Variants in DENND4C observed in about 807,000 individuals in gnomAD.
DENND4C encodes DENN domain containing 4C, also known as DENN domain-containing protein 4C.
A neutral mutation model predicts 203.0 loss-of-function variants in DENND4C; 108 were observed. That is an observed-to-expected ratio of 0.53 (90% CI 0.46 to 0.62). The LOEUF is 0.62. DENND4C is among the 20% of genes least tolerant of loss of function. DENND4C has a pLI of 0.00. For synonymous variants in DENND4C, 871 were observed against 792.4 expected (o/e 1.10, Z -1.67); for missense variants, 2,481 against 2,301.2 (o/e 1.08, Z -1.60).
intron 9 of DENND4C, among the ~76,000 whole-genome samples, chr9:19,300,628 G>A (rs928807649): frequency 5.3e-5 from 8 of 152,130 alleles, no homozygotes; most frequent in African/African-American, 1.7e-4. Flanking sequence ...TGAGAATGAA[G>A]CTGGTTGTAT....
intron 30 of DENND4C, among the ~76,000 whole-genome samples, chr9:19,366,292 T>C (rs751340362): frequency 6.6e-6 from 1 of 152,158 alleles, no homozygotes; most frequent in Non-Finnish European, 1.5e-5. Flanking sequence ...TGCCTTTCAG[T>C]GTGAAGACCA....
At chr9:19,312,451 G>A (rs1840930933) in intron 10 of DENND4C, among the ~76,000 whole-genome samples, 1 of 152,316 alleles carries the variant, frequency 6.6e-6, no homozygotes, top group Middle Eastern at 3.4e-3. Flanking sequence ...GTATTGCAGT[G>A]TGCTGCTACT....
rs1276441692 is a variant in DENND4C, at chr9:19,316,700, A to G, written c.1668A>G (p.Thr556=). 3.3e-5 allele frequency: 53 copies of G among 1,614,012 alleles called. No individual in the cohort carries two copies. The highest frequency in any genetic ancestry group is 1.6e-4 in the Middle Eastern group (1 of 6,082). ...ATTTCTCCTGGCAAAAGAAGATGAC[A>G]CAGCTTGAGATGGAAATTCAAGAGG... is the stretch of plus-strand genomic sequence containing the variant. ...EADFSWQKKM[T]QLEMEIQEAF... The change falls in exon 12 of 33, where the codon ACA becomes ACG. Residue 556 remains threonine (T), a synonymous_variant. Transcript: ENST00000434457.
intron 30 of DENND4C, among the ~76,000 whole-genome samples, chr9:19,366,128 A>C (rs1032934648): frequency 3.9e-5 from 6 of 152,250 alleles, no homozygotes; most frequent in African/African-American, 7.2e-5. Flanking sequence ...CTTGAAAAAG[A>C]ACAGTGTTAT....
At chr9:19,239,874 A>T (rs778143358) in intron 1 of DENND4C, among the ~76,000 whole-genome samples, 1 of 152,150 alleles carries the variant, frequency 6.6e-6, no homozygotes, top group African/African-American at 2.4e-5. Flanking sequence ...GCTTGAAAAG[A>T]TGGTTTATCT....
In DENND4C at chr9:19,357,041, C is replaced by G. The variant is rs780329713; in HGVS notation, c.4851C>G (p.Ser1617=). The change falls in exon 27 of 33, where the codon TCC becomes TCG. Residue 1617 remains serine (S), a synonymous_variant. Coordinates refer to ENST00000434457, the MANE Select transcript of DENND4C (RefSeq NM_001330640.2). ...GAAGCATTCCATTGGCAAATGAATC[C>G]TTGGAGCACAAACCTGTATCCAGTT... ...QSGSIPLANE[S]LEHKPVSSLA... 17 of 1,613,810 alleles carry G rather than the reference C, an allele frequency of 1.1e-5. No individual in the cohort carries two copies. In the African/African-American group the frequency reaches 2.3e-4, roughly 22 times the overall value.
At chr9:19,294,901 TG>T (rs1837109873) in intron 5 of DENND4C, among the ~76,000 whole-genome samples, 2 of 152,152 alleles carry the variant, frequency 1.3e-5, no homozygotes. Flanking sequence ...GGCAAGAGAA[TG>T]GGAAGTTACC....
rs1824396596 is a variant in DENND4C at position 19,352,542 on chromosome 9, AT to A, written c.4659del (p.Asp1553GlufsTer15). ...AGAGCTTGTGGAGCTTTAGTTTATGATGAAGAAATTATGGCTGGATGGACAG... is the reference window on the plus strand; with the variant it reads ...AGAGCTTGTGGAGCTTTAGTTTATGAGAAGAAATTATGGCTGGATGGACAG... The part of the protein sequence containing the change: ...QCRACGALVY[D>X]EEIMAGWTAD... On this transcript the variant is annotated frameshift_variant, in exon 26 of 33. Coordinates refer to ENST00000434457, the MANE Select transcript of DENND4C (RefSeq NM_001330640.2). LOFTEE classifies it high-confidence loss of function. 2 of 1,613,802 alleles carry A rather than the reference AT, an allele frequency of 1.2e-6. No individual in the cohort carries two copies. The highest frequency in any genetic ancestry group is 2.7e-5 in the African/African-American group (2 of 75,046).
At chr9:19,261,009 T>G (rs76420747) in intron 1 of DENND4C, among the ~76,000 whole-genome samples, 4,498 of 152,222 alleles carry the variant, frequency 0.03, 217 homozygotes, top group African/African-American at 0.1. Flanking sequence ...GTTTTAGACT[T>G]AAGTATTTGT....
At chr9:19,253,823 A>T (rs1827251145) in intron 1 of DENND4C, among the ~76,000 whole-genome samples, 1 of 152,072 alleles carries the variant, frequency 6.6e-6, no homozygotes, top group Non-Finnish European at 1.5e-5. Context: ...TATTAATGGC[A>T]TTTATTAGAA....
In DENND4C at chr9:19,276,497, C is replaced by T; in HGVS notation, c.305+18C>T. ...GATATTGGGTATGGTGACTTCTTTT[C>T]TTTGCTATAGTGAAGGAGTAAAATT... On this transcript the variant is annotated intron_variant, in intron 2 of 32. Coordinates refer to ENST00000434457, the MANE Select transcript of DENND4C (RefSeq NM_001330640.2). The T allele has an allele frequency of 8.1e-7, 1 of 1,228,742 alleles. No individual in the cohort carries two copies. Among genetic ancestry groups the T allele is most frequent in the Non-Finnish European group, 1.0e-6 (1 of 984,976 alleles). The allele number at this position is 1,228,742 out of a possible 1,614,324, so 76.1% of individuals were successfully genotyped here.
Position 19,325,936 on chromosome 9 carries a change from T to C in DENND4C, c.1954-3T>C, listed in dbSNP as rs761201369. 2 of 1,602,628 alleles carry C rather than the reference T, an allele frequency of 1.2e-6. No individual in the cohort carries two copies. The highest frequency in any genetic ancestry group is 1.7e-6 in the Non-Finnish European group (2 of 1,175,138). On this transcript the variant is annotated splice_polypyrimidine_tract_variant and splice_region_variant and intron_variant, in intron 13 of 32. Transcript: ENST00000434457. ...ATTAAGAATCTGTTTTCTTTTTTTC[T>C]AGTTGTTTCCTGATAAAGGCACAGA...
chr9:19,367,367 A>G lies in DENND4C; in HGVS notation c.5525-2470A>G, dbSNP rs375712539. ...TATACCTAAGAGAAATGATGTCCACATGAAAACTTGCACATGAATGTTCAT... is the reference window on the plus strand; with the variant it reads ...TATACCTAAGAGAAATGATGTCCACGTGAAAACTTGCACATGAATGTTCAT... On this transcript the variant is annotated intron_variant, in intron 30 of 32. Coordinates refer to ENST00000434457, the MANE Select transcript of DENND4C (RefSeq NM_001330640.2). Among the ~76,000 whole-genome samples the G allele has an allele frequency of 4.9e-4, 74 of 152,376 alleles. 3 individuals are homozygous for G. In the South Asian group the frequency reaches 0.014, roughly 28 times the overall value.
chr9:19,317,278 C>A (rs1378563798), intron 12 of DENND4C, among the ~76,000 whole-genome samples: 1 of 151,002 alleles, frequency 6.6e-6, no homozygotes, highest in Admixed American at 6.6e-5. Flanking sequence ...CCCTGGCTTT[C>A]CAAAATGCTG....
chr9:19,355,542 A>C (rs1032090829), intron 26 of DENND4C, among the ~76,000 whole-genome samples: 1 of 152,152 alleles, frequency 6.6e-6, no homozygotes, highest in Non-Finnish European at 1.5e-5. Context: ...TAAATAACCT[A>C]TCCTTTGCTT....
At position 19,305,281 on chromosome 9, in the gene DENND4C, A is replaced by G; in HGVS notation, c.1312-71A>G. On this transcript the variant is annotated intron_variant, in intron 9 of 32. Coordinates refer to ENST00000434457, the MANE Select transcript of DENND4C (RefSeq NM_001330640.2). ...TGCTTTTCAGTGGTCCCTTTTCAGT[A>G]ATACTAGTTACTTATATATTTTTTA... 3 of 1,344,576 alleles carry G rather than the reference A, an allele frequency of 2.2e-6. No individual in the cohort carries two copies. In the East Asian group the frequency reaches 7.0e-5, roughly 31 times the overall value. 83.3% of individuals were successfully genotyped at this position (1,344,576 alleles called of 1,614,324 possible).
At chr9:19,333,695 C>A (rs975366086) in intron 17 of DENND4C, among the ~76,000 whole-genome samples, 5 of 152,172 alleles carry the variant, frequency 3.3e-5, no homozygotes, top group African/African-American at 1.2e-4. Context: ...TTTTCTCTCT[C>A]AAGCCTTAGA....
chr9:19,255,017 G>A (rs927330977), intron 1 of DENND4C, among the ~76,000 whole-genome samples: 3 of 151,934 alleles, frequency 2.0e-5, no homozygotes, highest in Admixed American at 6.6e-5. Flanking sequence ...AGGGGGGGCC[G>A]CCTGTAATTC....
At chr9:19,311,485 C>T (rs1275755374) in intron 10 of DENND4C, among the ~76,000 whole-genome samples, 2 of 152,160 alleles carry the variant, frequency 1.3e-5, no homozygotes, top group African/African-American at 4.8e-5. Flanking sequence ...AGAACATTCT[C>T]TGTTACTACT....
Sources: gnomAD v4.1 joint callset for allele counts (sites outside exome capture counted in the v4.1 genomes callset) on GRCh38, gnomAD v4.1.1 for gene constraint, MANE v1.5 for transcripts, NCBI Gene and HGNC (gene_info 2026-07-23, HGNC 2026-07-21) for gene names.